The following JADE2 variants were observed in gnomAD, a reference collection of about 807,000 sequenced individuals.
JADE2 encodes E3 ubiquitin-protein ligase Jade-2.
A neutral mutation model predicts 85.7 loss-of-function variants in JADE2; 13 were observed. The ratio of observed to expected loss-of-function variants is 0.15; its 90% confidence interval spans 0.10 to 0.24. JADE2 has a LOEUF of 0.24. Among genes scored for constraint, JADE2 ranks in the 10% least tolerant of loss-of-function variants. JADE2 has a pLI of 1.00. For synonymous variants in JADE2, 440 were observed against 456.1 expected (o/e 0.96, Z 0.45); for missense variants, 846 against 1,115.9 (o/e 0.76, Z 3.45).
chr5:134,527,299 C>T (rs1039827532), intron 1 of JADE2, among the ~76,000 whole-genome samples: 7 of 152,268 alleles, frequency 4.6e-5, no homozygotes, highest in African/African-American at 1.4e-4. Flanking sequence ...CTTGTGGCTC[C>T]CCATGGTTTC....
At chr5:134,565,803 A>G (rs1049823519) in intron 8 of JADE2, among the ~76,000 whole-genome samples, 1 of 147,700 alleles carries the variant, frequency 6.8e-6, no homozygotes, top group Non-Finnish European at 1.5e-5. Context: ...ACTCCAGCCT[A>G]GCAACAGAGT....
intron 1 of JADE2, among the ~76,000 whole-genome samples, chr5:134,534,538 G>GTCA (rs1761462182): frequency 6.6e-6 from 1 of 152,106 alleles, no homozygotes; most frequent in South Asian, 2.1e-4. Context: ...GGCCATCCTG[G>GTCA]TCAGCTGAGA....
At chr5:134,544,092 C>T (rs955554638) in intron 3 of JADE2, among the ~76,000 whole-genome samples, 15 of 152,234 alleles carry the variant, frequency 9.9e-5, no homozygotes, top group African/African-American at 3.4e-4. Flanking sequence ...GCAGGCCAAG[C>T]GGTGGGGGTT....
intron 5 of JADE2, among the ~76,000 whole-genome samples, chr5:134,560,368 C>G (rs1407833188): frequency 6.6e-6 from 1 of 152,050 alleles, no homozygotes; most frequent in Non-Finnish European, 1.5e-5. Flanking sequence ...ATAATGTGTC[C>G]CAGGAAGGGT....
chr5:134,567,294 C>T (rs756884595), intron 9 of JADE2, among the ~76,000 whole-genome samples: 1 of 152,158 alleles, frequency 6.6e-6, no homozygotes, highest in Non-Finnish European at 1.5e-5. Flanking sequence ...CTGGGACTTG[C>T]ACCCAACACT....
intron 9 of JADE2, among the ~76,000 whole-genome samples, chr5:134,570,962 GC>G (rs1470794218): frequency 6.6e-6 from 1 of 152,264 alleles, no homozygotes; most frequent in Admixed American, 6.5e-5. Context: ...TCCTAGGCCT[GC>G]CCGTGTGCCA....
chr5:134,541,957 A>G (rs1391872720), intron 3 of JADE2, among the ~76,000 whole-genome samples: 10 of 152,252 alleles, frequency 6.6e-5, no homozygotes, highest in South Asian at 6.2e-4. Context: ...CCCTTGCCCA[A>G]TGGCTGGCCC....
rs1450256571 is a variant in JADE2, at chr5:134,562,329, A to G, written c.814A>G (p.Lys272Glu). Residue 272 changes from lysine (K) to glutamate (E), a missense_variant, in exon 7 of 12, where the codon AAG (lysine) becomes GAG (glutamate). Physicochemically the swap from Lys to Glu is moderately conservative, Grantham distance 56. This residue lies in a region of JADE2 where 129 missense variants were observed against 255.4 expected (regional missense o/e 0.51). Coordinates refer to ENST00000681547, the MANE Select transcript of JADE2 (RefSeq NM_001388185.1). The surrounding 1 kb of genome is among the most constrained non-coding windows in gnomAD (Gnocchi z 4.6). The part of the protein sequence containing the change: ...GALKPTRSGT[K>E]WVHVSCALWI... ...CTTGAAGCCCACTAGAAGTGGGACC[A>G]AGTGGGTGCATGTCAGCTGTGCCCT... 6.2e-7 allele frequency: 1 copy of G among 1,614,006 alleles called. No homozygotes were observed. The highest frequency in any genetic ancestry group is 8.5e-7 in the Non-Finnish European group (1 of 1,179,936).
chr5:134,564,761 C>T (rs750874089), intron 8 of JADE2, 151 bp downstream of exon 8: 13 of 544,336 alleles, frequency 2.4e-5, no homozygotes, highest in East Asian at 1.9e-4. Flanking sequence ...GAGTCAGAAT[C>T]GCACCTGTTG....
chr5:134,560,124 T>G, intron 5 of JADE2, 134 bp downstream of exon 5: 3 of 982,816 alleles, frequency 3.1e-6, no homozygotes, highest in Non-Finnish European at 4.5e-6. Context: ...ACTGCATTAC[T>G]GAATGGGGAC....
chr5:134,580,061 C>G lies in JADE2; in HGVS notation c.*744C>G, dbSNP rs1456085753. On this transcript the variant is annotated 3_prime_UTR_variant, in exon 12 of 12. Coordinates refer to ENST00000681547, the MANE Select transcript of JADE2 (RefSeq NM_001388185.1). Reference sequence around the variant, plus strand: ...ATTTACTCAGGGGACTCCCAAACAGCCAGCTGCCAGTGCAGGTGGAGGGCT... The same window carrying G: ...ATTTACTCAGGGGACTCCCAAACAGGCAGCTGCCAGTGCAGGTGGAGGGCT... The G allele has an allele frequency of 1.3e-5, 2 of 152,700 alleles. No individual in the cohort carries two copies. The highest frequency in any genetic ancestry group is 4.8e-5 in the African/African-American group (2 of 41,442). The allele number at this position is 152,700 out of a possible 1,614,324, so 9.5% of individuals were successfully genotyped here. A position where few individuals can be genotyped will look rare whatever the true frequency, so the allele number is the denominator to read the frequency against.
rs1442509874 is a variant in JADE2, at chr5:134,582,754, G to A, written c.*3437G>A. ...GTGTTCCACGTCAGTTTGAGGGGAC[G>A]GTGGGGGGATGATATGAATGTCACA... On this transcript the variant is annotated 3_prime_UTR_variant, in exon 12 of 12. Transcript: ENST00000681547. 1 of 152,628 alleles carries A rather than the reference G, an allele frequency of 6.6e-6. No homozygotes were observed. Among genetic ancestry groups the A allele is most frequent in the African/African-American group, 2.4e-5 (1 of 41,434 alleles). 9.5% of individuals were successfully genotyped at this position (152,628 alleles called of 1,614,324 possible). A position where few individuals can be genotyped will look rare whatever the true frequency, so the allele number is the denominator to read the frequency against.
intron 1 of JADE2, chr5:134,526,661 G>A: frequency 1.0e-6 from 1 of 985,448 alleles, no homozygotes; most frequent in Non-Finnish European, 1.2e-6. Context: ...CGGTGCACGC[G>A]GGCGCTGCAC....
intron 6 of JADE2, 22 bp downstream of exon 6, chr5:134,560,979 C>G: frequency 6.2e-7 from 1 of 1,601,610 alleles, no homozygotes; most frequent in Non-Finnish European, 8.5e-7. Context: ...CCCCAGTCAC[C>G]CTCACCTGTG....
chr5:134,550,046 G>A (rs1437832237), intron 3 of JADE2, among the ~76,000 whole-genome samples: 2 of 152,232 alleles, frequency 1.3e-5, no homozygotes, highest in East Asian at 1.9e-4. Flanking sequence ...GTGCCTGAGT[G>A]TGCCCTTTTG....
At chr5:134,553,154 A>G (rs577967322) in intron 4 of JADE2, among the ~76,000 whole-genome samples, 1 of 151,752 alleles carries the variant, frequency 6.6e-6, no homozygotes, top group Admixed American at 6.6e-5. Flanking sequence ...GATTGTTCGT[A>G]GAGACAAGGT....
At chr5:134,528,535 T>C (rs1761030385) in intron 1 of JADE2, among the ~76,000 whole-genome samples, 1 of 152,222 alleles carries the variant, frequency 6.6e-6, no homozygotes, top group Non-Finnish European at 1.5e-5. Context: ...TATTTGCTTT[T>C]TGGGTCACAG....
chr5:134,551,798 A>G (rs748181030), intron 3 of JADE2, among the ~76,000 whole-genome samples: 35 of 152,054 alleles, frequency 2.3e-4, no homozygotes, highest in Non-Finnish European at 4.3e-4. Context: ...CTATCCCTCA[A>G]ACTCTGTCCT....
At chr5:134,524,249 C>T (rs191682016), upstream of JADE2, 1 of 152,508 alleles carries the variant, frequency 6.6e-6, no homozygotes, top group Admixed American at 6.5e-5. Context: ...CCTTCTCCTT[C>T]CTCGAGAGAA....
Sources: gnomAD v4.1 joint callset for allele counts (sites outside exome capture counted in the v4.1 genomes callset) on GRCh38, gnomAD v4.1.1 for gene constraint, gnomAD v4.1.1 regional missense constraint, Gnocchi (gnomAD v3.1) non-coding constraint, MANE v1.5 for transcripts, NCBI Gene and HGNC (gene_info 2026-07-23, HGNC 2026-07-21) for gene names.